TDRD3: variants seen among roughly 807,000 people sequenced by gnomAD.
The protein encoded by TDRD3 is tudor domain containing 3.
In TDRD3, 45 loss-of-function variants were observed where a neutral mutation model predicts 86.7. The ratio of observed to expected loss-of-function variants is 0.52; its 90% CI spans 0.41 to 0.67. The LOEUF (loss-of-function observed/expected upper bound fraction) is 0.67. TDRD3 is among the 30% of genes least tolerant of loss of function. The pLI, the probability that TDRD3 is intolerant of heterozygous loss-of-function variation, is 0.00. For synonymous variants in TDRD3, 298 were observed against 301.7 expected (o/e 0.99, Z 0.13); for missense variants, 814 against 889.0 (o/e 0.92, Z 1.07).
intron 12 of TDRD3, among the ~76,000 whole-genome samples, chr13:60,552,912 G>A (rs1240020932): frequency 6.6e-6 from 1 of 152,204 alleles, no homozygotes; most frequent in Non-Finnish European, 1.5e-5. Flanking sequence ...ACCAAGTTCT[G>A]GGGCTGCACA....
At chr13:60,433,050 C>T (rs1458857757) in intron 1 of TDRD3, among the ~76,000 whole-genome samples, 3 of 152,094 alleles carry the variant, frequency 2.0e-5, no homozygotes, top group Admixed American at 6.6e-5. Context: ...GACATAGTCC[C>T]TATCCATTTG....
intron 5 of TDRD3, among the ~76,000 whole-genome samples, chr13:60,478,319 T>G (rs35068086): frequency 0.13 from 12,780 of 99,632 alleles, 143 homozygotes; most frequent in South Asian, 0.18. Flanking sequence ...TTTTTTTTTT[T>G]GAGACAGAGT....
chr13:60,427,515 C>T (rs1449528830), intron 1 of TDRD3, among the ~76,000 whole-genome samples: 1 of 152,028 alleles, frequency 6.6e-6, no homozygotes, highest in African/African-American at 2.4e-5. Context: ...CGGCTTCGCA[C>T]GTGTCATTTG....
intron 1 of TDRD3, among the ~76,000 whole-genome samples, chr13:60,424,674 C>T (rs1330895469): frequency 6.6e-6 from 1 of 152,102 alleles, no homozygotes; most frequent in Non-Finnish European, 1.5e-5. Context: ...GCAACTCTGT[C>T]TGAAAAAATA....
chr13:60,514,891 A>G (rs9538731), intron 10 of TDRD3, among the ~76,000 whole-genome samples: 22,835 of 152,264 alleles, frequency 0.15, 2,150 homozygotes, highest in South Asian at 0.28. Flanking sequence ...GATTGAAAAC[A>G]GACAATAGTT....
intron 1 of TDRD3, among the ~76,000 whole-genome samples, chr13:60,400,381 CTTTG>C (rs1490040037): frequency 6.6e-5 from 10 of 152,136 alleles, no homozygotes; most frequent in African/African-American, 1.9e-4. Flanking sequence ...CCATCTCCTC[CTTTG>C]TTTGTTTGTT....
At chr13:60,427,284 C>T (rs1237458845) in intron 1 of TDRD3, among the ~76,000 whole-genome samples, 3 of 152,012 alleles carry the variant, frequency 2.0e-5, no homozygotes, top group East Asian at 3.9e-4. Context: ...TCCATTTTTT[C>T]GTTCTTTGTA....
rs796540704 is a variant in TDRD3, at chr13:60,547,032, G to GA, written c.2118+11807dup. Among the ~76,000 whole-genome samples the GA allele has an allele frequency of 1.6e-4, 24 of 151,690 alleles. 1 individual carries two copies. Among genetic ancestry groups the GA allele is most frequent in the Admixed American group, 1.3e-3 (20 of 15,240 alleles). On this transcript the variant is annotated intron_variant, in intron 12 of 13. Coordinates refer to ENST00000377881, the MANE Select transcript of TDRD3 (RefSeq NM_001146070.2). ...TAGAACTTAATAAAATGTCTAGATT[G>GA]AAAAAAAATAATTTCAAAGTTTTGA...
chr13:60,526,817 A>AT (rs1187124952), intron 10 of TDRD3, among the ~76,000 whole-genome samples: 1 of 151,750 alleles, frequency 6.6e-6, no homozygotes, highest in East Asian at 1.9e-4. Context: ...TTGAGAATGG[A>AT]TTTTTTTGGA....
At chr13:60,492,125 A>G (rs1956601564) in intron 7 of TDRD3, among the ~76,000 whole-genome samples, 1 of 152,168 alleles carries the variant, frequency 6.6e-6, no homozygotes, top group African/African-American at 2.4e-5. Flanking sequence ...GTAAAAAGCA[A>G]CTCCGAAAAT....
intron 12 of TDRD3, chr13:60,536,755 T>G (rs891217574): frequency 6.6e-6 from 1 of 152,072 alleles, no homozygotes; most frequent in Non-Finnish European, 1.5e-5. Flanking sequence ...TTACGTGGCT[T>G]CTTCTCTCCT....
intron 11 of TDRD3, among the ~76,000 whole-genome samples, chr13:60,531,744 T>C (rs1957586593): frequency 6.6e-6 from 1 of 152,134 alleles, no homozygotes; most frequent in African/African-American, 2.4e-5. Context: ...GTAACTGTTT[T>C]ACTGGGAAAA....
At chr13:60,426,815 T>G (rs1006377088) in intron 1 of TDRD3, among the ~76,000 whole-genome samples, 2 of 152,186 alleles carry the variant, frequency 1.3e-5, no homozygotes, top group Non-Finnish European at 2.9e-5. Context: ...GTTCTAGAAA[T>G]GTGTTCTCAA....
At chr13:60,565,151 G>A (rs1401394027) in intron 12 of TDRD3, among the ~76,000 whole-genome samples, 3 of 147,016 alleles carry the variant, frequency 2.0e-5, no homozygotes, top group African/African-American at 7.7e-5. Context: ...CGCCTCCCGG[G>A]TTCACGCCAT....
intron 5 of TDRD3, among the ~76,000 whole-genome samples, chr13:60,468,699 A>G (rs1466720309): frequency 6.6e-6 from 1 of 152,186 alleles, no homozygotes; most frequent in Non-Finnish European, 1.5e-5. Context: ...TCTGAGCACA[A>G]TCCAAGACCA....
chr13:60,396,454 G>A (rs1953909469), upstream of TDRD3: 1 of 152,300 alleles, frequency 6.6e-6, no homozygotes, highest in Admixed American at 6.5e-5. Context: ...TGCCCACTCA[G>A]GGACCCACCC....
chr13:60,428,586 T>G (rs1261964847), intron 1 of TDRD3, among the ~76,000 whole-genome samples: 2 of 152,158 alleles, frequency 1.3e-5, no homozygotes, highest in African/African-American at 4.8e-5. Context: ...TACAGAAGCT[T>G]ATATACTCTT....
intron 1 of TDRD3, among the ~76,000 whole-genome samples, chr13:60,408,779 A>T (rs1954292557): frequency 6.6e-6 from 1 of 152,192 alleles, no homozygotes; most frequent in East Asian, 1.9e-4. Flanking sequence ...TTGCAGCATG[A>T]CTAAGTGATA....
At position 60,506,760 on chromosome 13, in the gene TDRD3, A is replaced by C. The variant is rs144150083; in HGVS notation, c.859-3003A>C. On this transcript the variant is annotated intron_variant, in intron 8 of 13. Transcript: ENST00000377881. Reference sequence around the variant, plus strand: ...TGACAGAATGAAACAAACAAACAAAAAAAAGAACATCGACACTATGAAGAA... The same window carrying C: ...TGACAGAATGAAACAAACAAACAAACAAAAGAACATCGACACTATGAAGAA... 5.3e-3 allele frequency among the ~76,000 whole-genome samples: 811 copies of C among 152,234 alleles called. 5 individuals carry two copies. The highest frequency in any genetic ancestry group is 7.7e-3 in the Non-Finnish European group (522 of 67,994).
Sources: gnomAD v4.1 joint callset for allele counts (sites outside exome capture counted in the v4.1 genomes callset) on GRCh38, gnomAD v4.1.1 for gene constraint, MANE v1.5 for transcripts, NCBI Gene and HGNC (gene_info 2026-07-23, HGNC 2026-07-21) for gene names.